KLHL26: variants seen among roughly 807,000 people sequenced by gnomAD.
The protein encoded by KLHL26 is kelch like family member 26, also known as kelch-like protein 26.
In KLHL26, 4 loss-of-function variants were observed where a neutral mutation model predicts 7.1. The observed-to-expected ratio is 0.56, with a 90% CI of 0.28 to 1.28. The LOEUF (loss-of-function observed/expected upper bound fraction) is 1.28, where lower values mean the gene tolerates loss of function less well. Ranked by LOEUF, KLHL26 falls within the 50% of genes most tolerant of loss-of-function variation. KLHL26 has a pLI of 0.11. For synonymous variants in KLHL26, 465 were observed against 414.1 expected, an observed-to-expected ratio of 1.12 and a Z score of -1.49; for missense variants, 896 against 924.6, an observed-to-expected ratio of 0.97 and a Z score of 0.40.
At chr19:18,643,892 C>A (rs1976758273) in intron 1 of KLHL26, among the ~76,000 whole-genome samples, 2 of 152,126 alleles carry the variant, frequency 1.3e-5, no homozygotes, top group South Asian at 4.1e-4. Flanking sequence ...CTATGCCCAA[C>A]CTGTATTTTT....
At chr19:18,663,505 G>A (rs2052412636) in intron 1 of KLHL26, among the ~76,000 whole-genome samples, 1 of 152,162 alleles carries the variant, frequency 6.6e-6, no homozygotes, top group African/African-American at 2.4e-5. Context: ...ATCAGTGCCC[G>A]CATTCCTGGC....
chr19:18,651,981 G>A (rs958553310), intron 1 of KLHL26, among the ~76,000 whole-genome samples: 4 of 152,212 alleles, frequency 2.6e-5, no homozygotes, highest in African/African-American at 9.6e-5. Flanking sequence ...CTGCCCACTC[G>A]TCAGCCCTGG....
rs953819235 is a variant in KLHL26 at position 18,650,542 on chromosome 19, C to G, written c.83+13405C>G. ...GCGCTAGGTCTCTCCTCTGGCTCCC[C>G]CTCCTCGGGTCCTCGTGGCTCTCTG... On this transcript the variant is annotated intron_variant, in intron 1 of 2. Transcript: ENST00000300976. The surrounding 1 kb of genome is among the most constrained non-coding windows in gnomAD (Gnocchi z 4.2). Among the ~76,000 whole-genome samples, 4 of 152,204 alleles carry G rather than the reference C, an allele frequency of 2.6e-5. No individual in the cohort carries two copies. In the South Asian group the frequency reaches 6.2e-4, roughly 24 times the overall value.
chr19:18,663,905 T>C (rs553128258), intron 1 of KLHL26, among the ~76,000 whole-genome samples: 65 of 152,194 alleles, frequency 4.3e-4, no homozygotes, highest in Non-Finnish European at 7.8e-4. Context: ...TTTGGTTTTT[T>C]TATTGAAGTG....
intron 1 of KLHL26, among the ~76,000 whole-genome samples, chr19:18,645,991 C>T (rs769530789): frequency 2.0e-5 from 3 of 152,104 alleles, no homozygotes; most frequent in Non-Finnish European, 4.4e-5. Context: ...ATCATCTCCA[C>T]CAAGCCCAGA....
chr19:18,638,199 TA>T (rs1444876690), intron 1 of KLHL26, among the ~76,000 whole-genome samples: 25 of 152,234 alleles, frequency 1.6e-4, no homozygotes. Context: ...GGCAACATGA[TA>T]AATGATGAAG....
chr19:18,652,419 G>A (rs541832525), intron 1 of KLHL26, among the ~76,000 whole-genome samples: 10 of 152,038 alleles, frequency 6.6e-5, no homozygotes, highest in Admixed American at 2.0e-4. Context: ...ATGAAACCTC[G>A]TCTCTATTAA....
chr19:18,669,669 ACT>A lies in KLHL26; in HGVS notation c.*426_*427del. 1 of 298,836 alleles carries A rather than the reference ACT, an allele frequency of 3.3e-6. No individual in the cohort carries two copies. 18.5% of individuals were successfully genotyped at this position (298,836 alleles called of 1,614,324 possible). On this transcript the variant is annotated 3_prime_UTR_variant, in exon 3 of 3. Coordinates refer to ENST00000300976, the MANE Select transcript of KLHL26 (RefSeq NM_018316.3). The stretch of plus-strand genomic sequence containing the variant: ...TTGAACCCAAAGTCGGTGGTATATG[ACT>A]CACCCTCCTTCCAAGTCTCCTGCGC...
rs754212861 is a variant in KLHL26 at position 18,664,225 on chromosome 19, C to T, written c.84-36C>T. 9.0e-6 allele frequency: 14 copies of T among 1,556,644 alleles called. No individual in the cohort carries two copies. The South Asian group carries it at 1.7e-4, about 19-fold the overall frequency. The stretch of plus-strand genomic sequence containing the variant: ...TCAAGGTAATAGTGTGTGTGTGAAC[C>T]TCTGGGCCATGTCCCCACCTCTGCT... On this transcript the variant is annotated intron_variant, in intron 1 of 2. Coordinates refer to ENST00000300976, the MANE Select transcript of KLHL26 (RefSeq NM_018316.3).
At chr19:18,651,023 G>A (rs925523554) in intron 1 of KLHL26, among the ~76,000 whole-genome samples, 1 of 152,104 alleles carries the variant, frequency 6.6e-6, no homozygotes, top group African/African-American at 2.4e-5. Context: ...CCTGACATCC[G>A]AGGCCCCTCT....
rs1370615242 is a variant in KLHL26 at position 18,649,496 on chromosome 19, C to T, written c.83+12359C>T. ...TGTTGTCAGTAAACCAGCCCTGTTA[C>T]CTGTTACAGAGCCCAGGGCACCATA... On this transcript the variant is annotated intron_variant, in intron 1 of 2. Transcript: ENST00000300976. The surrounding 1 kb of genome is among the most constrained non-coding windows in gnomAD (Gnocchi z 4.0). Among the ~76,000 whole-genome samples the T allele has an allele frequency of 6.6e-6, 1 of 152,234 alleles. No individual in the cohort carries two copies. Among genetic ancestry groups the T allele is most frequent in the Non-Finnish European group, 1.5e-5 (1 of 68,040 alleles).
At chr19:18,655,277 T>C (rs2052318253) in intron 1 of KLHL26, among the ~76,000 whole-genome samples, 1 of 152,160 alleles carries the variant, frequency 6.6e-6, no homozygotes, top group Admixed American at 6.5e-5. Flanking sequence ...GCTGTTCAGC[T>C]CCATGTCCAT....
In KLHL26 at chr19:18,668,727, T is replaced by A. The variant is rs1482169921; in HGVS notation, c.1330T>A (p.Cys444Ser). 4 of 1,579,314 alleles carry A rather than the reference T, an allele frequency of 2.5e-6. No homozygotes were observed. The highest frequency in any genetic ancestry group is 2.6e-6 in the Non-Finnish European group (3 of 1,169,068). ...CCGGCGCAATGAGTGGGGCTACGCC[T>A]GCTCGCTGAAGCGCCGTACCTGGGG... is the stretch of plus-strand genomic sequence containing the variant. The part of the protein sequence containing the change: ...CPRRNEWGYA[C>S]SLKRRTWGHA... Residue 444 changes from cysteine to serine, a missense_variant, in exon 3 of 3, where the codon TGC (cysteine) becomes AGC (serine). Coordinates refer to ENST00000300976, the MANE Select transcript of KLHL26 (RefSeq NM_018316.3).
In KLHL26 at chr19:18,667,536, C is replaced by T. The variant is rs1267921054; in HGVS notation, c.267-128C>T. Reference sequence around the variant, plus strand: ...ATGTTTTTAATGAGCATTCCGCCTACTTTCCTCTTGCTGGCTGTGCCCTGT... The same window carrying T: ...ATGTTTTTAATGAGCATTCCGCCTATTTTCCTCTTGCTGGCTGTGCCCTGT... On this transcript the variant is annotated intron_variant, in intron 2 of 2. Transcript: ENST00000300976. 6 of 1,448,620 alleles carry T rather than the reference C, an allele frequency of 4.1e-6. No homozygotes were observed. The African/African-American group carries it at 8.5e-5, about 21-fold the overall frequency. The allele number at this position is 1,448,620 out of a possible 1,614,324, so 89.7% of individuals were successfully genotyped here.
Position 18,646,774 on chromosome 19 carries a change from C to T in KLHL26, c.83+9637C>T, listed in dbSNP as rs1341898332. On this transcript the variant is annotated intron_variant, in intron 1 of 2. Transcript: ENST00000300976. This position sits in a 1 kb window ranked among gnomAD's most constrained non-coding sequence, Gnocchi z 5.0. Reference sequence around the variant, plus strand: ...TCAATGCCAGCAAGCCTTGATGTGGCGTGCGTGTGTCAGGCAGGGAAAGGA... The same window carrying T: ...TCAATGCCAGCAAGCCTTGATGTGGTGTGCGTGTGTCAGGCAGGGAAAGGA... Among the ~76,000 whole-genome samples the T allele has an allele frequency of 3.3e-5, 5 of 152,192 alleles. No homozygotes were observed. Among genetic ancestry groups the T allele is most frequent in the Non-Finnish European group, 7.3e-5 (5 of 68,030 alleles).
In KLHL26 at chr19:18,667,729, C is replaced by T; in HGVS notation, c.332C>T (p.Ala111Val). Reference protein sequence around the residue: ...QDVIELKGVSARGLRHIIDFA... With the variant: ...QDVIELKGVSVRGLRHIIDFA... ...GTCATCGAGCTGAAGGGCGTGTCGG[C>T]CCGTGGCCTGCGGCACATCATCGAC... The change falls in exon 3 of 3, where the codon GCC (alanine) becomes GTC (valine). Residue 111 changes from alanine to valine, a missense_variant. Transcript: ENST00000300976. The T allele has an allele frequency of 6.2e-7, 1 of 1,613,202 alleles. No homozygotes were observed. Among genetic ancestry groups the T allele is most frequent in the Non-Finnish European group, 8.5e-7 (1 of 1,180,002 alleles).
chr19:18,639,016 A>G (rs917253046), intron 1 of KLHL26, among the ~76,000 whole-genome samples: 2 of 151,980 alleles, frequency 1.3e-5, no homozygotes, highest in Admixed American at 6.6e-5. Flanking sequence ...CTTTTTTTAT[A>G]AACAGCTTTA....
chr19:18,647,241 A>AC (rs1976820103), intron 1 of KLHL26, among the ~76,000 whole-genome samples: 1 of 148,326 alleles, frequency 6.7e-6, no homozygotes, highest in South Asian at 2.2e-4. Flanking sequence ...GGTAGCTGTG[A>AC]CCCCCGGGAC....
rs764811167 is a variant in KLHL26 at position 18,667,794 on chromosome 19, G to T, written c.397G>T (p.Val133Leu). The change falls in exon 3 of 3, where the codon GTG (valine) becomes TTG (leucine). Residue 133 changes from valine (V) to leucine (L), a missense_variant. Transcript: ENST00000300976. ...SAEVTLDLDC[V>L]QDVLGAAVFL... ...CGAGGTGACACTGGACCTGGACTGC[G>T]TGCAGGACGTGCTGGGCGCGGCCGT... is the stretch of plus-strand genomic sequence containing the variant. 3 of 1,613,304 alleles carry T rather than the reference G, an allele frequency of 1.9e-6. No individual in the cohort carries two copies. Among genetic ancestry groups the T allele is most frequent in the East Asian group, 2.2e-5 (1 of 44,892 alleles).
Sources: allele counts gnomAD v4.1 joint callset (sites outside exome capture counted in the v4.1 genomes callset), GRCh38; gene constraint gnomAD v4.1.1; non-coding constraint Gnocchi (gnomAD v3.1); transcripts MANE v1.5; gene names NCBI Gene and HGNC (gene_info 2026-07-23, HGNC 2026-07-21).